GPHN: variants seen among roughly 807,000 people sequenced by gnomAD.
GPHN encodes gephyrin.
In GPHN, 17 loss-of-function variants were observed where a neutral mutation model predicts 95.5. The observed-to-expected ratio is 0.18, with a 90% confidence interval of 0.12 to 0.27. GPHN has a LOEUF of 0.27. GPHN is among the 10% of genes least tolerant of loss of function. The probability of loss-of-function intolerance (pLI) is 1.00; values close to 1 mark genes in which losing one functional copy is unlikely to be tolerated. For missense variants in GPHN, 660 were observed against 978.1 expected (o/e 0.67, Z 4.34); for synonymous variants, 320 against 322.5 (o/e 0.99, Z 0.08).
At chr14:66,576,725 A>G (rs1454813389) in intron 1 of GPHN, among the ~76,000 whole-genome samples, 3 of 152,332 alleles carry the variant, frequency 2.0e-5, no homozygotes, top group East Asian at 3.9e-4. Context: ...TGCTGCCAGC[A>G]GAATAATGTA....
intron 1 of GPHN, among the ~76,000 whole-genome samples, chr14:66,659,729 T>C (rs1410367371): frequency 6.6e-6 from 1 of 152,142 alleles, no homozygotes; most frequent in Non-Finnish European, 1.5e-5. Context: ...CTGGTATTAA[T>C]ACAGCCACTC....
chr14:67,452,259 G>A, the GPHN span, among the ~76,000 whole-genome samples: 2 of 150,956 alleles, frequency 1.3e-5, no homozygotes, highest in African/African-American at 4.9e-5. Flanking sequence ...GAAGGCAGAG[G>A]TTGTAGTGAG....
chr14:67,428,835 T>G, the GPHN span, among the ~76,000 whole-genome samples: 1 of 152,104 alleles, frequency 6.6e-6, no homozygotes, highest in East Asian at 1.9e-4. Context: ...CCCTGGGCTG[T>G]AGGGGGCCTG....
At chr14:67,383,605 A>G in the GPHN span, 3 of 966,368 alleles carry the variant, frequency 3.1e-6, no homozygotes, top group Non-Finnish European at 4.6e-6. Flanking sequence ...GCCCTCCTAA[A>G]TGTCAGCTGT....
chr14:66,946,683 G>A (rs539306981), intron 8 of GPHN, among the ~76,000 whole-genome samples: 3 of 152,124 alleles, frequency 2.0e-5, no homozygotes, highest in East Asian at 3.8e-4. Context: ...GATTACAGAC[G>A]TGAGCCACTG....
chr14:67,657,241 A>T, the GPHN span: 4 of 152,180 alleles, frequency 2.6e-5, no homozygotes, highest in African/African-American at 9.7e-5. Context: ...GCTTCTAAAG[A>T]AAGCATGTAG....
intron 4 of GPHN, among the ~76,000 whole-genome samples, chr14:66,863,760 A>G (rs2063123482): frequency 6.6e-6 from 1 of 152,204 alleles, no homozygotes; most frequent in African/African-American, 2.4e-5. Context: ...AAAACTGAAT[A>G]TTTATATGCA....
At chr14:67,691,040 T>C in the GPHN span, 1 of 793,116 alleles carries the variant, frequency 1.3e-6, no homozygotes, top group Admixed American at 1.8e-5. Context: ...ATTATGGTCC[T>C]GAGGTTCAAT....
intron 10 of GPHN, among the ~76,000 whole-genome samples, chr14:67,052,836 C>T (rs1452685942): frequency 2.0e-5 from 3 of 152,110 alleles, no homozygotes; most frequent in African/African-American, 7.2e-5. Flanking sequence ...CAACCTGCCC[C>T]TGAATGACTC....
chr14:67,026,623 G>A (rs1395393506), intron 10 of GPHN, among the ~76,000 whole-genome samples: 6 of 152,024 alleles, frequency 3.9e-5, no homozygotes, highest in Non-Finnish European at 8.8e-5. Context: ...TGATTTTATA[G>A]CCCACATTTT....
chr14:67,576,311 G>C, the GPHN span: 1 of 743,406 alleles, frequency 1.3e-6, no homozygotes, highest in Non-Finnish European at 2.3e-6. This position sits in a 1 kb window ranked among gnomAD's most constrained non-coding sequence, Gnocchi z 4.0. Context: ...CATGGGCTTG[G>C]TCCCTTCAAG....
At chr14:66,540,979 C>T (rs1290264637) in intron 1 of GPHN, among the ~76,000 whole-genome samples, 1 of 151,156 alleles carries the variant, frequency 6.6e-6, no homozygotes, top group East Asian at 1.9e-4. Flanking sequence ...ACGGAGTCTC[C>T]CACTGTCACC....
At chr14:66,951,433 T>G (rs1016670510) in intron 8 of GPHN, among the ~76,000 whole-genome samples, 4 of 151,412 alleles carry the variant, frequency 2.6e-5, no homozygotes, top group Non-Finnish European at 5.9e-5. Flanking sequence ...GGGGAATCAC[T>G]TGAACCTGGA....
chr14:66,652,157 A>T (rs1422445419), intron 1 of GPHN, among the ~76,000 whole-genome samples: 1 of 152,152 alleles, frequency 6.6e-6, no homozygotes, highest in Non-Finnish European at 1.5e-5. Flanking sequence ...TATATTCATT[A>T]ACTCATGCAA....
chr14:67,437,969 T>C, the GPHN span, among the ~76,000 whole-genome samples: 2 of 152,154 alleles, frequency 1.3e-5, no homozygotes, highest in African/African-American at 4.8e-5. Flanking sequence ...TAAACTGTGG[T>C]TGAGCCCACT....
chr14:66,752,838 A>G (rs2058419735), intron 2 of GPHN, among the ~76,000 whole-genome samples: 1 of 151,952 alleles, frequency 6.6e-6, no homozygotes, highest in Non-Finnish European at 1.5e-5. Flanking sequence ...CTTAAACAAC[A>G]AGACTATAAT....
chr14:66,635,167 A>G (rs749191707), intron 1 of GPHN, among the ~76,000 whole-genome samples: 1 of 152,154 alleles, frequency 6.6e-6, no homozygotes, highest in Non-Finnish European at 1.5e-5. Flanking sequence ...CATGGGACCT[A>G]GATTCTAAAC....
the GPHN span, chr14:67,221,885 T>C: frequency 6.4e-7 from 1 of 1,566,984 alleles, no homozygotes; most frequent in Non-Finnish European, 8.7e-7. Context: ...AGAAGAGTAG[T>C]GTGGCTAAGA....
At chr14:67,662,454 C>T in the GPHN span, 1 of 1,609,824 alleles carries the variant, frequency 6.2e-7, no homozygotes, top group Admixed American at 1.7e-5. Flanking sequence ...GTAGAAGAAA[C>T]AAAATTTGTT....
Sources: gnomAD v4.1 joint callset for allele counts (sites outside exome capture counted in the v4.1 genomes callset) on GRCh38, gnomAD v4.1.1 for gene constraint, Gnocchi (gnomAD v3.1) non-coding constraint, MANE v1.5 for transcripts, NCBI Gene and HGNC (gene_info 2026-07-23, HGNC 2026-07-21) for gene names.